Variants in VWA8 observed in about 807,000 individuals in gnomAD.
VWA8 encodes von Willebrand factor A domain-containing protein 8.
Under a neutral mutation model 241.5 loss-of-function variants are expected in VWA8, and 221 were observed. That is an observed-to-expected ratio of 0.91 (90% CI 0.82 to 1.02). The LOEUF (loss-of-function observed/expected upper bound fraction) is 1.02. VWA8 is among the 50% of genes least tolerant of loss of function. The pLI is 0.00. For missense variants in VWA8, 2,322 were observed against 2,328.7 expected (o/e 1.00, Z 0.06); for synonymous variants, 852 against 827.1 (o/e 1.03, Z -0.52).
chr13:41,652,029 C>T (rs2044872548), intron 37 of VWA8, among the ~76,000 whole-genome samples: 1 of 152,182 alleles, frequency 6.6e-6, no homozygotes, highest in Non-Finnish European at 1.5e-5. Flanking sequence ...AGATTTTGGT[C>T]TTCTCTTGAA....
intron 38 of VWA8, 131 bp downstream of exon 38, chr13:41,614,845 A>G (rs2044610990): frequency 1.1e-6 from 1 of 892,202 alleles, no homozygotes; most frequent in African/African-American, 1.7e-5. Flanking sequence ...GCAAGACAAC[A>G]ATCCAACTGA....
chr13:41,626,443 A>C (rs1049982331), intron 37 of VWA8, among the ~76,000 whole-genome samples: 8 of 152,320 alleles, frequency 5.3e-5, no homozygotes, highest in African/African-American at 4.8e-5. Flanking sequence ...AGGAACCAAA[A>C]AAGAGCCAAA....
chr13:41,703,292 A>G lies in VWA8; in HGVS notation c.3225+11T>C, dbSNP rs1385783090. The G allele has an allele frequency of 3.7e-6, 6 of 1,604,798 alleles. No individual in the cohort carries two copies. The African/African-American group carries it at 6.7e-5, about 18-fold the overall frequency. On this transcript the variant is annotated intron_variant, in intron 27 of 44. Coordinates refer to ENST00000379310, the MANE Select transcript of VWA8 (RefSeq NM_015058.2). The stretch of plus-strand genomic sequence containing the variant: ...TTCAATATTTTAAGAGAGAATAATG[A>G]TGATATCAACCTTTATGTCTATATG...
intron 2 of VWA8, among the ~76,000 whole-genome samples, chr13:41,937,183 G>A (rs1316895215): frequency 6.6e-6 from 1 of 152,072 alleles, no homozygotes; most frequent in Non-Finnish European, 1.5e-5. Flanking sequence ...TTGATACCAG[G>A]GAAGATAATT....
chr13:41,900,933 A>G (rs988380946), intron 4 of VWA8, among the ~76,000 whole-genome samples: 5 of 152,076 alleles, frequency 3.3e-5, no homozygotes, highest in Non-Finnish European at 2.9e-5. Flanking sequence ...GGTGACTTAG[A>G]TTACTCACTG....
At chr13:41,832,990 A>G (rs35647260) in intron 13 of VWA8, among the ~76,000 whole-genome samples, 190 of 152,086 alleles carry the variant, frequency 1.2e-3, no homozygotes, top group African/African-American at 4.5e-3. Context: ...ATTAAGATCT[A>G]TGATTGATAA....
At chr13:41,853,584 T>C (rs1872611660) in intron 12 of VWA8, among the ~76,000 whole-genome samples, 1 of 152,310 alleles carries the variant, frequency 6.6e-6, no homozygotes, top group South Asian at 2.1e-4. Flanking sequence ...CATTTTTTCA[T>C]TTCTTCATGA....
chr13:41,609,213 GGAAA>G (rs1334879993), intron 39 of VWA8, among the ~76,000 whole-genome samples: 4 of 152,058 alleles, frequency 2.6e-5, no homozygotes, highest in African/African-American at 9.7e-5. Flanking sequence ...TCACATAACG[GGAAA>G]GAGTGATAAG....
At chr13:41,778,652 CT>C (rs1868730290) in intron 19 of VWA8, among the ~76,000 whole-genome samples, 1 of 93,018 alleles carries the variant, frequency 1.1e-5, no homozygotes, top group African/African-American at 4.1e-5. Context: ...CATGCGGGTT[CT>C]TTAGGGCTGG....
At chr13:41,899,595 T>G in intron 4 of VWA8, among the ~76,000 whole-genome samples, 1 of 152,236 alleles carries the variant, frequency 6.6e-6, no homozygotes, top group East Asian at 1.9e-4. Context: ...TCAGGATCAC[T>G]TTGCTTCCTG....
rs1380564686 is a variant in VWA8, at chr13:41,611,687, C to T, written c.4766G>A (p.Arg1589Gln). 9.3e-6 allele frequency: 15 copies of T among 1,613,960 alleles called. No individual in the cohort carries two copies. The highest frequency in any genetic ancestry group is 8.0e-5 in the African/African-American group (6 of 74,912). Residue 1589 changes from arginine to glutamine, a missense_variant, in exon 39 of 45, where the codon CGG becomes CAG. By Grantham distance (43) the Arg-to-Gln change is conservative (BLOSUM62 1). Coordinates refer to ENST00000379310, the MANE Select transcript of VWA8 (RefSeq NM_015058.2). ...AGLGGKGGPYRLDAGHTVYQV... is the reference protein window; with the variant it reads ...AGLGGKGGPYQLDAGHTVYQV... The stretch of plus-strand genomic sequence containing the variant: ...GTACACCGTATGGCCTGCATCCAGC[C>T]GGTAAGGGCCTCCTTTGCCACCCAG...
chr13:41,686,465 T>C (rs927093931), intron 34 of VWA8, among the ~76,000 whole-genome samples: 1 of 152,140 alleles, frequency 6.6e-6, no homozygotes, highest in African/African-American at 2.4e-5. Context: ...TTGCCATCCC[T>C]CTATCCTCTT....
intron 24 of VWA8, among the ~76,000 whole-genome samples, chr13:41,726,024 T>C (rs905756096): frequency 2.0e-5 from 3 of 152,214 alleles, no homozygotes; most frequent in African/African-American, 7.2e-5. Context: ...TATACAAGCA[T>C]ATGCATGTAC....
At position 41,924,339 on chromosome 13, in the gene VWA8, T is replaced by A. The variant is rs374177192; in HGVS notation, c.242-12171A>T. Among the ~76,000 whole-genome samples the A allele has an allele frequency of 4.8e-5, 7 of 145,144 alleles. No homozygotes were observed. In the East Asian group the frequency reaches 1.4e-3, roughly 30 times the overall value. On this transcript the variant is annotated intron_variant, in intron 2 of 44. Transcript: ENST00000379310. Reference sequence around the variant, plus strand: ...AAATATCTGAACTTGAAGATAGCTCTTCTGAAATTACCCAGTCAAAAGAAA... The same window carrying A: ...AAATATCTGAACTTGAAGATAGCTCATCTGAAATTACCCAGTCAAAAGAAA...
At chr13:41,724,594 T>G (rs545686761) in intron 24 of VWA8, among the ~76,000 whole-genome samples, 31 of 152,244 alleles carry the variant, frequency 2.0e-4, no homozygotes, top group Non-Finnish European at 3.4e-4. Flanking sequence ...GGTGGAAGAC[T>G]TGGTTGTAGG....
chr13:41,647,530 C>T (rs1173021543), intron 37 of VWA8, among the ~76,000 whole-genome samples: 1 of 152,134 alleles, frequency 6.6e-6, no homozygotes, highest in Non-Finnish European at 1.5e-5. Flanking sequence ...TTATTTCATT[C>T]ATTTGACAAA....
At chr13:41,878,042 A>G (rs1873985199) in intron 9 of VWA8, among the ~76,000 whole-genome samples, 1 of 152,102 alleles carries the variant, frequency 6.6e-6, no homozygotes, top group Non-Finnish European at 1.5e-5. Flanking sequence ...AAAATAGTCT[A>G]ATTAAGTAAT....
At chr13:41,644,940 T>C (rs947872722) in intron 37 of VWA8, among the ~76,000 whole-genome samples, 4 of 152,246 alleles carry the variant, frequency 2.6e-5, no homozygotes, top group Non-Finnish European at 5.9e-5. Context: ...AAGAATAGTA[T>C]AGTTTCCAAG....
At chr13:41,697,366 G>T (rs2045221793) in intron 29 of VWA8, among the ~76,000 whole-genome samples, 1 of 152,140 alleles carries the variant, frequency 6.6e-6, no homozygotes, top group Non-Finnish European at 1.5e-5. Flanking sequence ...CTAGCTCCCT[G>T]CTCAAAACCT....
Sources: allele counts gnomAD v4.1 joint callset (sites outside exome capture counted in the v4.1 genomes callset), GRCh38; gene constraint gnomAD v4.1.1; transcripts MANE v1.5; gene names NCBI Gene and HGNC (gene_info 2026-07-23, HGNC 2026-07-21).